Variants in CACNA1E observed in about 807,000 individuals in gnomAD.
CACNA1E encodes voltage-dependent R-type calcium channel subunit alpha-1E.
CACNA1E carries 40 observed loss-of-function variants against 259.2 expected under a neutral mutation model. That is an observed-to-expected ratio of 0.15 (90% CI 0.12 to 0.20). CACNA1E has a LOEUF of 0.20. Ranked by LOEUF, CACNA1E falls within the 10% of genes least tolerant of loss-of-function variation. CACNA1E has a pLI of 1.00. For synonymous variants in CACNA1E, 1,104 were observed against 1,138.5 expected (o/e 0.97, Z 0.61); for missense variants, 1,874 against 3,040.1 (o/e 0.62, Z 9.02).
intron 6 of CACNA1E, among the ~76,000 whole-genome samples, chr1:181,638,871 A>T (rs1657478538): frequency 6.6e-6 from 1 of 152,164 alleles, no homozygotes; most frequent in African/African-American, 2.4e-5. Context: ...CCATGATTGT[A>T]AGTTTCCTGA....
At chr1:181,665,971 T>G (rs1648183234) in intron 7 of CACNA1E, among the ~76,000 whole-genome samples, 1 of 152,128 alleles carries the variant, frequency 6.6e-6, no homozygotes, top group Non-Finnish European at 1.5e-5. Flanking sequence ...TCTGGTTTTC[T>G]TTTACTCTTT....
In CACNA1E at chr1:181,806,982, G is replaced by T. The variant is rs1260142438; in HGVS notation, c.*8148G>T. The T allele has an allele frequency of 1.3e-5, 2 of 152,024 alleles. No individual in the cohort carries two copies. Among genetic ancestry groups the T allele is most frequent in the Non-Finnish European group, 2.9e-5 (2 of 68,014 alleles). The allele number at this position is 152,024 out of a possible 1,614,324, so 9.4% of individuals were successfully genotyped here. ...TCCCAAGGACATCCTGGCTCTGAAA[G>T]GTTTTCTTTTGTTAAAAAATGCACT... On this transcript the variant is annotated 3_prime_UTR_variant, in exon 48 of 48. Coordinates refer to ENST00000367573, the MANE Select transcript of CACNA1E (RefSeq NM_001205293.3).
At chr1:181,371,213 A>G (rs1654689962) in intron 1 of CACNA1E, among the ~76,000 whole-genome samples, 1 of 152,084 alleles carries the variant, frequency 6.6e-6, no homozygotes, top group African/African-American at 2.4e-5. Flanking sequence ...CTCATTTTGT[A>G]GGTTGTCTGT....
intron 1 of CACNA1E, among the ~76,000 whole-genome samples, chr1:181,388,553 A>G (rs1268196034): frequency 1.3e-5 from 2 of 152,194 alleles, no homozygotes; most frequent in African/African-American, 4.8e-5. Flanking sequence ...GTATTTGTGT[A>G]TCTAATAAAC....
intron 16 of CACNA1E, among the ~76,000 whole-genome samples, chr1:181,723,457 A>C (rs1654595573): frequency 6.6e-6 from 1 of 152,214 alleles, no homozygotes; most frequent in South Asian, 2.1e-4. Flanking sequence ...AATGCAGAAG[A>C]CTTCTGTAAC....
At chr1:181,547,352 C>T (rs968133252) in intron 3 of CACNA1E, among the ~76,000 whole-genome samples, 1 of 152,228 alleles carries the variant, frequency 6.6e-6, no homozygotes, top group Non-Finnish European at 1.5e-5. Flanking sequence ...GGATTTCTCA[C>T]CCCTGTTCAT....
In CACNA1E at chr1:181,558,543, A is replaced by G. The variant is rs890620883; in HGVS notation, c.513-19223A>G. ...GAACAGTGTTGAGGAGGAGCAGTTT[A>G]AACCTAGCCAGGGTGAGGTGCATGC... On this transcript the variant is annotated intron_variant, in intron 3 of 47. Transcript: ENST00000367573. 2.0e-5 allele frequency among the ~76,000 whole-genome samples: 3 copies of G among 152,200 alleles called. No individual in the cohort carries two copies. The South Asian group carries it at 6.2e-4, about 32-fold the overall frequency.
intron 1 of CACNA1E, among the ~76,000 whole-genome samples, chr1:181,398,164 A>G (rs1023512884): frequency 6.6e-6 from 1 of 152,240 alleles, no homozygotes; most frequent in African/African-American, 2.4e-5. Flanking sequence ...TGAAAGCCAC[A>G]GGCTCTACCC....
At chr1:181,541,400 GAGGTACT>G (rs1193308472) in intron 3 of CACNA1E, among the ~76,000 whole-genome samples, 1 of 152,024 alleles carries the variant, frequency 6.6e-6, no homozygotes, top group African/African-American at 2.4e-5. Context: ...TCAGGAGCTA[GAGGTACT>G]AGGAGTTATG....
At chr1:181,696,530 G>A (rs1228579567) in intron 7 of CACNA1E, among the ~76,000 whole-genome samples, 1 of 152,176 alleles carries the variant, frequency 6.6e-6, no homozygotes, top group Non-Finnish European at 1.5e-5. Context: ...ATACTTACTA[G>A]TTTCCCAGGG....
At chr1:181,426,494 A>C (rs74127789) in intron 2 of CACNA1E, among the ~76,000 whole-genome samples, 55,671 of 136,736 alleles carry the variant, frequency 0.41, 11,526 homozygotes, top group African/African-American at 0.47. Flanking sequence ...ATTCCCTTCA[A>C]AACTCAACCC....
At chr1:181,750,283 A>G (rs911035374) in intron 25 of CACNA1E, among the ~76,000 whole-genome samples, 193 bp from the exon 26 acceptor site, 100 of 152,340 alleles carry the variant, frequency 6.6e-4, no homozygotes, top group Admixed American at 6.5e-3. Context: ...CCTTTCACAA[A>G]GGTGTGGACA....
In CACNA1E at chr1:181,510,441, C is replaced by T. The variant is rs772197625; in HGVS notation, c.267-36C>T. On this transcript the variant is annotated intron_variant, in intron 1 of 47. Coordinates refer to ENST00000367573, the MANE Select transcript of CACNA1E (RefSeq NM_001205293.3). Reference sequence around the variant, plus strand: ...CGGCCATCTTGGAGGCTGTGTCCCTCTCTGGTGAATTTGTTCCTTAACTCC... The same window carrying T: ...CGGCCATCTTGGAGGCTGTGTCCCTTTCTGGTGAATTTGTTCCTTAACTCC... The T allele has an allele frequency of 8.4e-6, 12 of 1,432,558 alleles. No individual in the cohort carries two copies. The Admixed American group carries it at 1.2e-4, about 14-fold the overall frequency. 88.7% of individuals were successfully genotyped at this position (1,432,558 alleles called of 1,614,324 possible).
At chr1:181,770,172 A>G (rs1659380058) in intron 35 of CACNA1E, among the ~76,000 whole-genome samples, 1 of 152,242 alleles carries the variant, frequency 6.6e-6, no homozygotes, top group African/African-American at 2.4e-5. Context: ...TCCATTTAGC[A>G]TACATTGGAT....
intron 1 of CACNA1E, among the ~76,000 whole-genome samples, chr1:181,320,707 G>T (rs929420591): frequency 2.0e-5 from 3 of 152,176 alleles, no homozygotes; most frequent in Non-Finnish European, 4.4e-5. Context: ...GACTCACAGA[G>T]TTAGTCCCAG....
chr1:181,647,555 C>T (rs933651633), intron 6 of CACNA1E, among the ~76,000 whole-genome samples: 1 of 152,190 alleles, frequency 6.6e-6, no homozygotes, highest in African/African-American at 2.4e-5. Context: ...GGCAGCTTCA[C>T]CCCGACTTCC....
intron 6 of CACNA1E, among the ~76,000 whole-genome samples, chr1:181,632,701 C>T (rs1430575182): frequency 6.6e-6 from 1 of 151,910 alleles, no homozygotes; most frequent in Non-Finnish European, 1.5e-5. Flanking sequence ...TTATGAGTCA[C>T]ATGTGTCAAC....
Position 181,756,037 on chromosome 1 carries a change from C to T in CACNA1E, c.4071C>T (p.Asn1357=), listed in dbSNP as rs1227548084. 2 of 1,613,806 alleles carry T rather than the reference C, an allele frequency of 1.2e-6. No homozygotes were observed. Among genetic ancestry groups the T allele is most frequent in the East Asian group, 4.5e-5 (2 of 44,896 alleles). Reference sequence around the variant, plus strand: ...AGCGCCATGAATTCCACTACGACAACATTATCTGGGCCCTGCTGACCCTCT... The same window carrying T: ...AGCGCCATGAATTCCACTACGACAATATTATCTGGGCCCTGCTGACCCTCT... ...EWKRHEFHYD[N]IIWALLTLFT... Residue 1357 remains asparagine, a synonymous_variant, in exon 29 of 48, where the codon AAC becomes AAT. Transcript: ENST00000367573.
At chr1:181,436,399 G>A (rs1332157232) in intron 2 of CACNA1E, among the ~76,000 whole-genome samples, 1 of 152,176 alleles carries the variant, frequency 6.6e-6, no homozygotes, top group East Asian at 1.9e-4. Flanking sequence ...ATTTTGAAGA[G>A]ATATCCACAC....
Sources: allele counts gnomAD v4.1 joint callset (sites outside exome capture counted in the v4.1 genomes callset), GRCh38; gene constraint gnomAD v4.1.1; transcripts MANE v1.5; gene names NCBI Gene and HGNC (gene_info 2026-07-23, HGNC 2026-07-21).